The following MAP3K7CL variants were observed in gnomAD, a reference collection of about 807,000 sequenced individuals.
MAP3K7CL encodes MAP3K7 C-terminal like, also known as MAP3K7 C-terminal-like protein.
In MAP3K7CL, 16 loss-of-function variants were observed where a neutral mutation model predicts 18.6. The observed-to-expected ratio is 0.86, with a 90% CI of 0.58 to 1.31. The LOEUF is 1.31. Among genes scored for constraint, MAP3K7CL ranks in the 50% most tolerant of loss-of-function variants. MAP3K7CL has a pLI of 0.00. For missense variants in MAP3K7CL, 163 were observed against 174.4 expected (o/e 0.93, Z 0.37); for synonymous variants, 65 against 66.8 (o/e 0.97, Z 0.13).
At chr21:29,128,830 T>TATCG (rs2086727409), upstream of MAP3K7CL, among the ~76,000 whole-genome samples, 1 of 152,230 alleles carries the variant, frequency 6.6e-6, no homozygotes, top group South Asian at 2.1e-4. Context: ...AGGTCGTGAA[T>TATCG]AAGAAATTCA....
chr21:29,165,971 G>A (rs186002737), intron 4 of MAP3K7CL, among the ~76,000 whole-genome samples: 133 of 152,252 alleles, frequency 8.7e-4, no homozygotes, highest in Admixed American at 3.5e-3. Context: ...TGTAATTAGC[G>A]TATTCATCTC....
upstream of MAP3K7CL, among the ~76,000 whole-genome samples, chr21:29,129,969 T>C (rs938545578): frequency 2.0e-5 from 3 of 152,226 alleles, no homozygotes; most frequent in Non-Finnish European, 4.4e-5. Flanking sequence ...TGAGATATCT[T>C]TCAGATCTTT....
chr21:29,105,901 C>T (rs977727325), intron 4 of MAP3K7CL, among the ~76,000 whole-genome samples: 4 of 152,136 alleles, frequency 2.6e-5, no homozygotes, highest in African/African-American at 7.2e-5. Context: ...AATTCTACTC[C>T]TTATGAATTC....
At chr21:29,097,996 TATG>T (rs1189058121) in intron 4 of MAP3K7CL, among the ~76,000 whole-genome samples, 1 of 152,178 alleles carries the variant, frequency 6.6e-6, no homozygotes, top group Admixed American at 6.6e-5. Flanking sequence ...TTTGCGCTAA[TATG>T]ATAGCTATAT....
intron 4 of MAP3K7CL, among the ~76,000 whole-genome samples, chr21:29,163,413 C>T (rs1266099588): frequency 6.6e-6 from 1 of 152,138 alleles, no homozygotes; most frequent in African/African-American, 2.4e-5. Flanking sequence ...CTCACTTCTA[C>T]CATTTGGGCT....
chr21:29,170,820 G>A (rs1323430239), intron 4 of MAP3K7CL, among the ~76,000 whole-genome samples: 1 of 151,836 alleles, frequency 6.6e-6, no homozygotes, highest in Non-Finnish European at 1.5e-5. Flanking sequence ...TGTATTTTCG[G>A]TAGATACAGG....
chr21:29,091,653 C>A (rs753957461), intron 2 of MAP3K7CL: 8 of 696,624 alleles, frequency 1.1e-5, no homozygotes, highest in Non-Finnish European at 2.1e-5. Flanking sequence ...GTTTTTCTTT[C>A]TTTTTTTTTC....
chr21:29,153,176 A>G (rs950005136), intron 3 of MAP3K7CL, among the ~76,000 whole-genome samples: 11 of 152,216 alleles, frequency 7.2e-5, no homozygotes, highest in Non-Finnish European at 1.6e-4. Flanking sequence ...GTCTCTATTA[A>G]TGCAAAATAT....
intron 4 of MAP3K7CL, among the ~76,000 whole-genome samples, chr21:29,172,445 C>T (rs191162888): frequency 1.4e-4 from 21 of 152,228 alleles, no homozygotes; most frequent in African/African-American, 5.1e-4. Context: ...TCATGACTAG[C>T]AGTGTCAACT....
chr21:29,082,054 G>A (rs2085845049), upstream of MAP3K7CL, among the ~76,000 whole-genome samples: 1 of 152,176 alleles, frequency 6.6e-6, no homozygotes, highest in Non-Finnish European at 1.5e-5. Flanking sequence ...ATAAAACAGG[G>A]ATGTTTTGAC....
rs184986079 is a variant in MAP3K7CL, at chr21:29,115,235, C to A, written c.370+22654C>A. Among the ~76,000 whole-genome samples the A allele has an allele frequency of 2.2e-3, 330 of 152,282 alleles. 2 individuals are homozygous for A. The highest frequency in any genetic ancestry group is 1.9e-3 in the Non-Finnish European group (127 of 68,012). The stretch of plus-strand genomic sequence containing the variant: ...GAGTCTGAAATAGCCCAAAAGGTAT[C>A]CTGTTTAGCTTGTCATTTAAATAGC... On this transcript the variant is annotated intron_variant, in intron 4 of 6. Coordinates refer to the MAP3K7CL transcript ENST00000286791.
intron 4 of MAP3K7CL, among the ~76,000 whole-genome samples, chr21:29,112,332 A>T (rs2086433196): frequency 6.6e-6 from 1 of 152,034 alleles, no homozygotes; most frequent in Non-Finnish European, 1.5e-5. Flanking sequence ...AACATAAAAA[A>T]ATCTTTCATT....
Position 29,174,853 on chromosome 21 carries a change from A to G in MAP3K7CL, c.390A>G (p.Lys130=), listed in dbSNP as rs2087929697. The G allele has an allele frequency of 6.2e-7, 1 of 1,614,098 alleles. No homozygotes were observed. The highest frequency in any genetic ancestry group is 8.5e-7 in the Non-Finnish European group (1 of 1,180,010). The change falls in exon 5 of 5, where the codon AAA becomes AAG. Residue 130 remains lysine, a synonymous_variant. Coordinates refer to ENST00000399928, the MANE Select transcript of MAP3K7CL (RefSeq NM_001286620.2). ...AQSQCVEQLE[K]LRIQYQKRQG... ...CTCAATGTGTGGAACAACTGGAGAA[A>G]CTTCGAATACAGTATCAGAAGAGGC...
In MAP3K7CL at chr21:29,106,981, A is replaced by G. The variant is rs2146546725; in HGVS notation, c.370+14400A>G. Among the ~76,000 whole-genome samples the G allele has an allele frequency of 2.6e-5, 4 of 152,256 alleles. No individual in the cohort carries two copies. The South Asian group carries it at 8.3e-4, about 32-fold the overall frequency. ...GTGTAGGGCTTTAGGGCTGACTGCTAAGAGAAGGAAGATGGCTGGCATTCA... is the reference window on the plus strand; with the variant it reads ...GTGTAGGGCTTTAGGGCTGACTGCTGAGAGAAGGAAGATGGCTGGCATTCA... On this transcript the variant is annotated intron_variant, in intron 4 of 6. Transcript: ENST00000286791.
upstream of MAP3K7CL, chr21:29,127,915 A>G (rs1037361690): frequency 1.3e-5 from 2 of 152,188 alleles, no homozygotes; most frequent in East Asian, 1.9e-4. Flanking sequence ...GTCTCTTTCT[A>G]TCTCTGTATG....
chr21:29,172,834 A>ACC (rs530763546), intron 4 of MAP3K7CL, among the ~76,000 whole-genome samples: 3 of 119,744 alleles, frequency 2.5e-5, no homozygotes, highest in African/African-American at 9.3e-5. Flanking sequence ...TTGATGAGCA[A>ACC]CCCCCCCCTC....
intron 4 of MAP3K7CL, among the ~76,000 whole-genome samples, chr21:29,169,051 C>T (rs1019254978): frequency 6.6e-6 from 1 of 152,196 alleles, no homozygotes; most frequent in Non-Finnish European, 1.5e-5. Context: ...ATTGGCAATA[C>T]TTAAGAGACA....
intron 4 of MAP3K7CL, among the ~76,000 whole-genome samples, chr21:29,106,176 C>G (rs2086318887): frequency 6.6e-6 from 1 of 152,070 alleles, no homozygotes; most frequent in African/African-American, 2.4e-5. Context: ...TTTGAAAGTA[C>G]TAAGAAAACG....
At chr21:29,091,334 A>G (rs995634309) in intron 1 of MAP3K7CL, among the ~76,000 whole-genome samples, 1 of 152,246 alleles carries the variant, frequency 6.6e-6, no homozygotes, top group Admixed American at 6.5e-5. Context: ...TGTCGTTTAC[A>G]GTTTTGAGAT....
Sources: allele counts gnomAD v4.1 joint callset (sites outside exome capture counted in the v4.1 genomes callset), GRCh38; gene constraint gnomAD v4.1.1; transcripts MANE v1.5; gene names NCBI Gene and HGNC (gene_info 2026-07-23, HGNC 2026-07-21).